Variants in MAP4K4 observed in about 807,000 individuals in gnomAD.
The protein encoded by MAP4K4 is mitogen-activated protein kinase kinase kinase kinase 4.
MAP4K4 carries 38 observed loss-of-function variants against 189.6 expected under a neutral mutation model. The ratio of observed to expected loss-of-function variants is 0.20; its 90% confidence interval spans 0.15 to 0.26. The LOEUF (loss-of-function observed/expected upper bound fraction) is 0.26, where lower values mean the gene tolerates loss of function less well. Among genes scored for constraint, MAP4K4 ranks in the 10% least tolerant of loss-of-function variants. The pLI is 1.00. For synonymous variants in MAP4K4, 610 were observed against 624.3 expected, an observed-to-expected ratio of 0.98 and a Z score of 0.34; for missense variants, 1,054 against 1,726.9, an observed-to-expected ratio of 0.61 and a Z score of 6.91.
chr2:101,890,657 A>G (rs1379794568), intron 32 of MAP4K4, among the ~76,000 whole-genome samples: 1 of 150,886 alleles, frequency 6.6e-6, no homozygotes, highest in African/African-American at 2.4e-5. Context: ...CGGTTTCACT[A>G]TCTTGGCCAG....
chr2:101,723,819 T>C (rs1228107265), intron 2 of MAP4K4, among the ~76,000 whole-genome samples: 1 of 152,172 alleles, frequency 6.6e-6, no homozygotes, highest in Admixed American at 6.5e-5. Flanking sequence ...TTAGGTTAAC[T>C]AGTGAAACTT....
chr2:101,882,747 C>T, intron 28 of MAP4K4, 62 bp downstream of exon 28: 1 of 1,433,402 alleles, frequency 7.0e-7, no homozygotes, highest in South Asian at 1.5e-5. Context: ...GAATTTTAAA[C>T]TTTAAATTTT....
At chr2:101,746,677 T>C (rs541596770) in intron 2 of MAP4K4, among the ~76,000 whole-genome samples, 8 of 152,314 alleles carry the variant, frequency 5.3e-5, no homozygotes, top group Non-Finnish European at 1.0e-4. Flanking sequence ...TAAGGAGATT[T>C]TAAGCTCACG....
intron 3 of MAP4K4, among the ~76,000 whole-genome samples, chr2:101,811,370 C>CAAAAAAAAAAAAAAA (rs71378177): frequency 5.8e-5 from 4 of 68,900 alleles, no homozygotes; most frequent in African/African-American, 2.3e-4. Flanking sequence ...GACTGCGTCT[C>CAAAAAAAAAAAAAAA]AAAAAAAAAA....
At chr2:101,802,836 C>T (rs527382448) in intron 3 of MAP4K4, among the ~76,000 whole-genome samples, 114 of 152,006 alleles carry the variant, frequency 7.5e-4, no homozygotes, top group Middle Eastern at 3.4e-3. Context: ...CCCAGGCTGG[C>T]GTGCAATGGC....
chr2:101,846,144 T>C (rs960035444), intron 12 of MAP4K4, among the ~76,000 whole-genome samples: 3 of 152,250 alleles, frequency 2.0e-5, no homozygotes, highest in Admixed American at 6.5e-5. Context: ...TAGGGACAAC[T>C]TCGCTGCTTT....
chr2:101,863,917 C>G (rs1240355684), exon 17 of MAP4K4: 1 of 1,367,692 alleles, frequency 7.3e-7, no homozygotes, highest in South Asian at 1.1e-5. Context: ...TGCACACCAC[C>G]ATCTTCGTTC....
In MAP4K4 at chr2:101,740,151, CTTTTTTTTTTT is replaced by C. The variant is rs71250687; in HGVS notation, c.123+41623_123+41633del. On this transcript the variant is annotated intron_variant, in intron 2 of 32. Transcript: ENST00000324219. ...TGGCTTCAAAGTTGCTTTATATCAT[CTTTTTTTTTTT>C]TTTTTTTTTGAGACGGAGTCTCGCT... is the stretch of plus-strand genomic sequence containing the variant. 6.9e-5 allele frequency among the ~76,000 whole-genome samples: 6 copies of C among 87,224 alleles called. 3 individuals carry two copies. Among genetic ancestry groups the C allele is most frequent in the African/African-American group, 5.6e-4 (6 of 10,782 alleles). 57.2% of individuals were successfully genotyped at this position (87,224 alleles called of 152,430 possible). A position where few individuals can be genotyped will look rare whatever the true frequency, so the allele number is the denominator to read the frequency against.
intron 3 of MAP4K4, among the ~76,000 whole-genome samples, chr2:101,795,903 T>C (rs1041440376): frequency 6.6e-6 from 1 of 152,212 alleles, no homozygotes; most frequent in Non-Finnish European, 1.5e-5. Context: ...ATAATAATAT[T>C]ACTACTTAAA....
At chr2:101,891,308 A>G in exon 33 of MAP4K4, 15 of 1,468,376 alleles carry the variant, frequency 1.0e-5, no homozygotes, top group Non-Finnish European at 1.4e-5. Flanking sequence ...GAGAACTTGG[A>G]ATTCCTTGTA....
intron 9 of MAP4K4, among the ~76,000 whole-genome samples, chr2:101,837,241 T>C (rs909797277): frequency 2.6e-5 from 4 of 151,956 alleles, no homozygotes; most frequent in Admixed American, 1.3e-4. Context: ...GCTGTTCCTG[T>C]TTATGCTTTT....
chr2:101,729,524 A>T (rs542070507), intron 2 of MAP4K4, among the ~76,000 whole-genome samples: 1 of 152,192 alleles, frequency 6.6e-6, no homozygotes, highest in Admixed American at 6.5e-5. Flanking sequence ...CTGTACTGGG[A>T]GATGCTAGGT....
At chr2:101,820,725 A>G (rs1424695236) in intron 3 of MAP4K4, among the ~76,000 whole-genome samples, 4 of 152,310 alleles carry the variant, frequency 2.6e-5, no homozygotes, top group African/African-American at 7.2e-5. Context: ...GGGCTGTCCC[A>G]GGCCACTCAC....
chr2:101,808,798 T>TTGTGTG (rs147383853), intron 3 of MAP4K4, among the ~76,000 whole-genome samples: 10 of 150,882 alleles, frequency 6.6e-5, no homozygotes, highest in African/African-American at 2.2e-4. Flanking sequence ...TTTAGTTTCA[T>TTGTGTG]TGTGTGTGTG....
At chr2:101,805,421 T>C (rs2149053417) in intron 3 of MAP4K4, among the ~76,000 whole-genome samples, 1 of 152,370 alleles carries the variant, frequency 6.6e-6, no homozygotes, top group Non-Finnish European at 1.5e-5. Context: ...TCCACCCATA[T>C]GGCTGCTTAT....
intron 26 of MAP4K4, among the ~76,000 whole-genome samples, chr2:101,874,486 T>A (rs2098140305): frequency 6.6e-6 from 1 of 152,224 alleles, no homozygotes; most frequent in African/African-American, 2.4e-5. Context: ...TTTATTTTTA[T>A]TAAACAAATT....
intron 2 of MAP4K4, among the ~76,000 whole-genome samples, chr2:101,728,785 C>T (rs1217912206): frequency 2.0e-5 from 3 of 152,214 alleles, no homozygotes; most frequent in Non-Finnish European, 2.9e-5. Context: ...TCCCAAAGTG[C>T]TGGGATTACA....
chr2:101,817,973 T>C (rs1489623604), intron 3 of MAP4K4, among the ~76,000 whole-genome samples: 2 of 152,240 alleles, frequency 1.3e-5, no homozygotes, highest in South Asian at 2.1e-4. Context: ...CTGGAATCTT[T>C]CCTGTGTAGT....
At chr2:101,723,257 T>C (rs2053280626) in intron 2 of MAP4K4, among the ~76,000 whole-genome samples, 1 of 152,178 alleles carries the variant, frequency 6.6e-6, no homozygotes, top group Admixed American at 6.5e-5. Context: ...CCAAACCATA[T>C]CAGCATCTTA....
Sources: gnomAD v4.1 joint callset for allele counts (sites outside exome capture counted in the v4.1 genomes callset) on GRCh38, gnomAD v4.1.1 for gene constraint, MANE v1.5 for transcripts, NCBI Gene and HGNC (gene_info 2026-07-23, HGNC 2026-07-21) for gene names.